DLG2: variants seen among roughly 807,000 people sequenced by gnomAD.
The protein encoded by DLG2 is discs large MAGUK scaffold protein 2, also known as disks large homolog 2.
Under a neutral mutation model 132.5 loss-of-function variants are expected in DLG2, and 45 were observed. The ratio of observed to expected loss-of-function variants is 0.34; its 90% CI spans 0.27 to 0.44. The LOEUF (loss-of-function observed/expected upper bound fraction) is 0.44. Ranked by LOEUF, DLG2 falls within the 20% of genes least tolerant of loss-of-function variation. The pLI, the probability that DLG2 is intolerant of heterozygous loss-of-function variation, is 1.00. For synonymous variants in DLG2, 424 were observed against 419.6 expected (o/e 1.01, Z -0.13); for missense variants, 1,045 against 1,196.9 (o/e 0.87, Z 1.87).
intron 19 of DLG2, among the ~76,000 whole-genome samples, chr11:83,588,749 T>G (rs2097136532): frequency 6.6e-6 from 1 of 151,494 alleles, no homozygotes; most frequent in African/African-American, 2.4e-5. Context: ...TGAAAAAAAT[T>G]TAGAAGAATG....
Position 85,461,383 on chromosome 11 carries a change from G to A in DLG2, c.40+137274C>T, listed in dbSNP as rs75626352. ...TTCTTTCAGGTGTATTGACAATTGT[G>A]ACAAAACTTATTTTTACAAGGAAAG... On this transcript the variant is annotated intron_variant, in intron 3 of 27. Coordinates refer to ENST00000376104, the MANE Select transcript of DLG2 (RefSeq NM_001142699.3). 4.2e-3 allele frequency among the ~76,000 whole-genome samples: 635 copies of A among 152,304 alleles called. 9 individuals carry two copies. Among genetic ancestry groups the A allele is most frequent in the East Asian group, 0.034 (174 of 5,192 alleles).
At chr11:85,060,416 T>C (rs1457163269) in intron 6 of DLG2, among the ~76,000 whole-genome samples, 2 of 150,686 alleles carry the variant, frequency 1.3e-5, no homozygotes, top group Non-Finnish European at 3.0e-5. Context: ...TATATATGTG[T>C]GTGTATATAT....
intron 6 of DLG2, among the ~76,000 whole-genome samples, chr11:84,621,803 G>A (rs908038640): frequency 1.3e-5 from 2 of 152,132 alleles, no homozygotes; most frequent in Admixed American, 1.3e-4. Flanking sequence ...AAGGGTAAGA[G>A]TGTGTGGCTG....
chr11:83,885,798 T>A (rs947962630), intron 15 of DLG2, among the ~76,000 whole-genome samples: 32 of 152,138 alleles, frequency 2.1e-4, no homozygotes, highest in Non-Finnish European at 3.8e-4. Flanking sequence ...AATATTCAAC[T>A]TTCTTAAAGA....
At chr11:83,682,679 A>G (rs930315741) in intron 18 of DLG2, among the ~76,000 whole-genome samples, 7 of 152,154 alleles carry the variant, frequency 4.6e-5, no homozygotes, top group African/African-American at 1.4e-4. Flanking sequence ...ATCAACTCCT[A>G]TATTTGCATA....
intron 12 of DLG2, among the ~76,000 whole-genome samples, chr11:83,978,009 G>A (rs890302967): frequency 2.0e-5 from 3 of 151,986 alleles, no homozygotes; most frequent in Non-Finnish European, 1.5e-5. Context: ...ACCAGGCAGA[G>A]ATCTGCTCAT....
chr11:83,595,896 A>G (rs1246702762), intron 19 of DLG2, among the ~76,000 whole-genome samples: 1 of 152,258 alleles, frequency 6.6e-6, no homozygotes, highest in Non-Finnish European at 1.5e-5. Context: ...TGATGTCGTA[A>G]TAGGTGCATT....
chr11:84,903,010 C>T (rs367651222), intron 6 of DLG2, among the ~76,000 whole-genome samples: 8 of 151,570 alleles, frequency 5.3e-5, no homozygotes, highest in South Asian at 2.1e-4. Context: ...TTTTCTGAAG[C>T]ATTACAATAG....
chr11:85,298,398 G>A (rs974560015), intron 3 of DLG2, among the ~76,000 whole-genome samples: 14 of 152,110 alleles, frequency 9.2e-5, no homozygotes, highest in Non-Finnish European at 1.9e-4. Context: ...TCAATTGTGT[G>A]CTCAGAGTGA....
At chr11:84,671,287 G>A (rs1408573840) in intron 6 of DLG2, among the ~76,000 whole-genome samples, 1 of 151,700 alleles carries the variant, frequency 6.6e-6, no homozygotes, top group Admixed American at 6.6e-5. Flanking sequence ...TTTTTTTGTA[G>A]AGACAGGGTC....
intron 6 of DLG2, among the ~76,000 whole-genome samples, chr11:85,110,706 C>T (rs989400211): frequency 2.0e-5 from 3 of 152,042 alleles, no homozygotes; most frequent in Non-Finnish European, 2.9e-5. Flanking sequence ...ATCAGGCTCC[C>T]CCAGGCTTAC....
At chr11:85,133,543 G>A (rs545496916) in intron 5 of DLG2, among the ~76,000 whole-genome samples, 2 of 152,260 alleles carry the variant, frequency 1.3e-5, no homozygotes, top group East Asian at 3.9e-4. Flanking sequence ...GGATTTGGAG[G>A]TTTAACTTAT....
intron 8 of DLG2, among the ~76,000 whole-genome samples, chr11:84,186,705 G>C (rs965635373): frequency 6.6e-6 from 1 of 151,706 alleles, no homozygotes; most frequent in African/African-American, 2.4e-5. Context: ...CGAGTTACAG[G>C]CTGCAAATAT....
intron 6 of DLG2, among the ~76,000 whole-genome samples, chr11:84,919,520 G>A (rs1018582947): frequency 7.2e-5 from 11 of 152,052 alleles, no homozygotes; most frequent in Non-Finnish European, 1.3e-4. Flanking sequence ...GTAAGTCACC[G>A]CTCAAGAGAC....
chr11:84,534,969 T>C (rs936128568), intron 6 of DLG2, among the ~76,000 whole-genome samples: 8 of 152,150 alleles, frequency 5.3e-5, no homozygotes, highest in Non-Finnish European at 1.2e-4. Flanking sequence ...CCTGATAATA[T>C]ACTCTCTTTG....
In DLG2 at chr11:83,651,618, T is replaced by C. The variant is rs936004880; in HGVS notation, c.1826-18293A>G. On this transcript the variant is annotated intron_variant, in intron 18 of 27. Coordinates refer to ENST00000376104, the MANE Select transcript of DLG2 (RefSeq NM_001142699.3). ...TCAGTGTCTGATGATGTTGACAATG[T>C]TGAAGAAGAAGAAAGAAGAGGAGTT... The C allele has an allele frequency of 3.1e-4, 83 of 264,320 alleles. 1 individual carries two copies. The highest frequency in any genetic ancestry group is 1.7e-3 in the African/African-American group (77 of 45,820). The allele number at this position is 264,320 out of a possible 1,614,324, so 16.4% of individuals were successfully genotyped here.
intron 4 of DLG2, among the ~76,000 whole-genome samples, chr11:85,271,164 C>T (rs183503049): frequency 1.3e-5 from 2 of 152,302 alleles, no homozygotes; most frequent in East Asian, 1.9e-4. Flanking sequence ...GTCTCAGCTG[C>T]TCCAGCCATG....
At chr11:83,799,765 G>T (rs1197441016) in intron 17 of DLG2, among the ~76,000 whole-genome samples, 1 of 152,166 alleles carries the variant, frequency 6.6e-6, no homozygotes, top group Non-Finnish European at 1.5e-5. Flanking sequence ...TTTTAGACAT[G>T]TTGACTTTGC....
chr11:84,775,228 C>G lies in DLG2; in HGVS notation c.358-240497G>C, dbSNP rs573585115. On this transcript the variant is annotated intron_variant, in intron 6 of 27. Transcript: ENST00000376104. Reference sequence around the variant, plus strand: ...TGCACATCAAAACCACAATGAGATACCATCTCATACCCATCAGAATGGCTA... The same window carrying G: ...TGCACATCAAAACCACAATGAGATAGCATCTCATACCCATCAGAATGGCTA... Among the ~76,000 whole-genome samples, 5 of 152,134 alleles carry G rather than the reference C, an allele frequency of 3.3e-5. No homozygotes were observed. The South Asian group carries it at 1.0e-3, about 32-fold the overall frequency.
Sources: gnomAD v4.1 joint callset for allele counts (sites outside exome capture counted in the v4.1 genomes callset) on GRCh38, gnomAD v4.1.1 for gene constraint, MANE v1.5 for transcripts, NCBI Gene and HGNC (gene_info 2026-07-23, HGNC 2026-07-21) for gene names.